Variants in TMEM17 observed in about 807,000 individuals in gnomAD.
The protein encoded by TMEM17 is transmembrane protein 17.
A neutral mutation model predicts 19.1 loss-of-function variants in TMEM17; 15 were observed. That is an observed-to-expected ratio of 0.78 (90% CI 0.52 to 1.21). TMEM17 has a LOEUF of 1.21. Among genes scored for constraint, TMEM17 ranks in the 50% most tolerant of loss-of-function variants. The pLI, the probability that TMEM17 is intolerant of heterozygous loss-of-function variation, is 0.00. For missense variants in TMEM17, 245 were observed against 242.3 expected (o/e 1.01, Z -0.07); for synonymous variants, 103 against 86.9 (o/e 1.19, Z -1.03).
chr2:62,475,518 G>A, the TMEM17 span, among the ~76,000 whole-genome samples: 3 of 152,232 alleles, frequency 2.0e-5, no homozygotes, highest in African/African-American at 7.2e-5. Context: ...TTTCCCATTT[G>A]TCACCTCCGT....
intron 1 of TMEM17, 68 bp downstream of exon 1, chr2:62,505,962 G>A: frequency 7.0e-7 from 1 of 1,427,422 alleles, no homozygotes; most frequent in Non-Finnish European, 9.6e-7. Flanking sequence ...GGCAAATTCT[G>A]GACGCTCCAA....
At chr2:62,468,154 T>G in the TMEM17 span, among the ~76,000 whole-genome samples, 2 of 152,126 alleles carry the variant, frequency 1.3e-5, no homozygotes. Context: ...ACTTCACCCC[T>G]GCTGGGTGAG....
At chr2:62,494,293 T>C in the TMEM17 span, among the ~76,000 whole-genome samples, 11 of 152,236 alleles carry the variant, frequency 7.2e-5, no homozygotes, top group Non-Finnish European at 1.2e-4. Flanking sequence ...CAGTTAAATC[T>C]CCAGCCTTCT....
At chr2:62,467,412 C>T in the TMEM17 span, among the ~76,000 whole-genome samples, 1 of 152,170 alleles carries the variant, frequency 6.6e-6, no homozygotes, top group South Asian at 2.1e-4. Flanking sequence ...AAGTCCCTTC[C>T]TACTTTAACA....
chr2:62,501,164 C>CT lies in TMEM17; in HGVS notation c.*44_*45insA. On this transcript the variant is annotated 3_prime_UTR_variant, in exon 4 of 4. Coordinates refer to ENST00000335390, the MANE Select transcript of TMEM17 (RefSeq NM_198276.3). ...AGCTCTGATATTTTCCTAACTCTTACAGTCTCTAGAATGATCTGTCAGATT... is the reference window on the plus strand; with the variant it reads ...AGCTCTGATATTTTCCTAACTCTTACTAGTCTCTAGAATGATCTGTCAGATT... The CT allele has an allele frequency of 6.3e-7, 1 of 1,578,680 alleles. No individual in the cohort carries two copies. Among genetic ancestry groups the CT allele is most frequent in the Non-Finnish European group, 8.6e-7 (1 of 1,160,282 alleles).
the TMEM17 span, among the ~76,000 whole-genome samples, chr2:62,487,071 C>A: frequency 6.6e-6 from 1 of 152,146 alleles, no homozygotes; most frequent in African/African-American, 2.4e-5. Flanking sequence ...GGCTATGTAA[C>A]AAATTACCAC....
chr2:62,493,863 A>G, the TMEM17 span, among the ~76,000 whole-genome samples: 1 of 152,192 alleles, frequency 6.6e-6, no homozygotes, highest in Non-Finnish European at 1.5e-5. Flanking sequence ...CAGTCTTTTC[A>G]GCTCATCTCA....
the TMEM17 span, among the ~76,000 whole-genome samples, chr2:62,475,346 G>T: frequency 6.6e-6 from 1 of 152,250 alleles, no homozygotes. Context: ...ACGCAGCCGG[G>T]CTCAGCGCCT....
At chr2:62,476,656 G>A in the TMEM17 span, among the ~76,000 whole-genome samples, 2 of 152,182 alleles carry the variant, frequency 1.3e-5, no homozygotes. Flanking sequence ...TATATTAAAA[G>A]AGATGGAAAA....
chr2:62,492,255 T>C, the TMEM17 span, among the ~76,000 whole-genome samples: 2 of 152,372 alleles, frequency 1.3e-5, no homozygotes, highest in East Asian at 3.9e-4. Flanking sequence ...TTACTTGCTG[T>C]GTGACCCTGA....
the TMEM17 span, among the ~76,000 whole-genome samples, chr2:62,464,647 A>T: frequency 6.6e-6 from 1 of 152,224 alleles, no homozygotes; most frequent in Non-Finnish European, 1.5e-5. Context: ...TGCAACAGAG[A>T]AAGTGTAATT....
At chr2:62,500,035 A>G (rs74643551), downstream of TMEM17, among the ~76,000 whole-genome samples, 9,986 of 152,292 alleles carry the variant, frequency 0.066, 403 homozygotes, top group Middle Eastern at 0.13. Flanking sequence ...TTTAATGGGT[A>G]TGAAGCAGTT....
chr2:62,478,201 C>A, the TMEM17 span, among the ~76,000 whole-genome samples: 1 of 152,210 alleles, frequency 6.6e-6, no homozygotes, highest in Non-Finnish European at 1.5e-5. Context: ...GCCAATGAGT[C>A]TCCCTATCCT....
chr2:62,492,417 GT>G, the TMEM17 span, among the ~76,000 whole-genome samples: 1 of 152,180 alleles, frequency 6.6e-6, no homozygotes, highest in Non-Finnish European at 1.5e-5. Flanking sequence ...TTAAATGGTG[GT>G]TGTTATTTGC....
chr2:62,478,666 C>T, the TMEM17 span, among the ~76,000 whole-genome samples: 2 of 152,142 alleles, frequency 1.3e-5, no homozygotes, highest in African/African-American at 4.8e-5. Flanking sequence ...GGATGAATAA[C>T]AGAAGATGCT....
chr2:62,458,133 G>T, the TMEM17 span, among the ~76,000 whole-genome samples: 2 of 152,218 alleles, frequency 1.3e-5, no homozygotes, highest in African/African-American at 4.8e-5. Flanking sequence ...AGAGGGTGTT[G>T]TGAGGAATCA....
chr2:62,473,872 G>A, the TMEM17 span, among the ~76,000 whole-genome samples: 5 of 152,238 alleles, frequency 3.3e-5, no homozygotes, highest in Non-Finnish European at 7.3e-5. Flanking sequence ...AAAGGAGGAA[G>A]TAGGTCTTCT....
intron 3 of TMEM17, 99 bp from the exon 4 acceptor site, chr2:62,501,586 G>T: frequency 8.3e-7 from 1 of 1,210,858 alleles, no homozygotes. Flanking sequence ...CCTACATTAT[G>T]GGCTCTGTGA....
chr2:62,476,465 C>G, the TMEM17 span, among the ~76,000 whole-genome samples: 1 of 152,164 alleles, frequency 6.6e-6, no homozygotes, highest in Non-Finnish European at 1.5e-5. Flanking sequence ...TGGATACAGG[C>G]ACTCTTCAGC....
Sources: allele counts gnomAD v4.1 joint callset (sites outside exome capture counted in the v4.1 genomes callset), GRCh38; gene constraint gnomAD v4.1.1; transcripts MANE v1.5; gene names NCBI Gene and HGNC (gene_info 2026-07-23, HGNC 2026-07-21).